The following TASP1 variants were observed in gnomAD, a reference collection of about 807,000 sequenced individuals.
TASP1 encodes the protein taspase 1, also known as threonine aspartase 1.
Under a neutral mutation model 56.6 loss-of-function variants are expected in TASP1, and 16 were observed. The ratio of observed to expected loss-of-function variants is 0.28; its 90% CI spans 0.19 to 0.43. The LOEUF (loss-of-function observed/expected upper bound fraction) is 0.43, where lower values mean the gene tolerates loss of function less well. Ranked by LOEUF, TASP1 falls within the 20% of genes least tolerant of loss-of-function variation. TASP1 has a pLI of 1.00. For missense variants in TASP1, 393 were observed against 511.6 expected (o/e 0.77, Z 2.24); for synonymous variants, 179 against 184.2 (o/e 0.97, Z 0.23).
At chr20:13,108,794 T>C in the TASP1 span, among the ~76,000 whole-genome samples, 1 of 152,218 alleles carries the variant, frequency 6.6e-6, no homozygotes, top group African/African-American at 2.4e-5. Flanking sequence ...CCCGAACTCC[T>C]GACCTCAAAG....
chr20:13,368,469 A>G, the TASP1 span: 1 of 152,214 alleles, frequency 6.6e-6, no homozygotes, highest in Non-Finnish European at 1.5e-5. Context: ...CAAAAATAAA[A>G]CCACTTTATA....
the TASP1 span, chr20:13,299,343 A>G: frequency 6.2e-7 from 1 of 1,613,940 alleles, no homozygotes; most frequent in Non-Finnish European, 8.5e-7. This position sits in a 1 kb window ranked among gnomAD's most constrained non-coding sequence, Gnocchi z 5.8. Context: ...GATTATCTGC[A>G]AGGGTGACTG....
At chr20:13,438,343 T>C (rs1465615169) in intron 11 of TASP1, among the ~76,000 whole-genome samples, 4 of 152,038 alleles carry the variant, frequency 2.6e-5, no homozygotes, top group East Asian at 1.9e-4. Flanking sequence ...CCCTCAGAAA[T>C]AATGCCACAT....
At chr20:13,304,679 G>T in the TASP1 span, among the ~76,000 whole-genome samples, 2 of 151,988 alleles carry the variant, frequency 1.3e-5, no homozygotes, top group Non-Finnish European at 2.9e-5. Flanking sequence ...GGTGATCTTG[G>T]GGGAATCAGT....
At chr20:13,585,487 A>T (rs988543881) in intron 5 of TASP1, among the ~76,000 whole-genome samples, 2 of 152,224 alleles carry the variant, frequency 1.3e-5, no homozygotes, top group African/African-American at 4.8e-5. Context: ...AAAATACTCC[A>T]ACAAATCAAT....
the TASP1 span, among the ~76,000 whole-genome samples, chr20:13,254,751 G>C: frequency 6.6e-6 from 1 of 152,254 alleles, no homozygotes; most frequent in Non-Finnish European, 1.5e-5. Flanking sequence ...CAGGAACAGA[G>C]CCAGGGAGAA....
At chr20:13,404,617 G>A (rs1306005055) in intron 13 of TASP1, among the ~76,000 whole-genome samples, 2 of 151,560 alleles carry the variant, frequency 1.3e-5, no homozygotes, top group Non-Finnish European at 2.9e-5. Context: ...AAGTAAGTAA[G>A]TAAATAAATA....
chr20:13,397,395 T>C (rs1308998451), intron 13 of TASP1, among the ~76,000 whole-genome samples: 1 of 152,102 alleles, frequency 6.6e-6, no homozygotes, highest in Non-Finnish European at 1.5e-5. Context: ...GACAGAAAGA[T>C]GTATACTATA....
the TASP1 span, chr20:13,270,377 G>A: frequency 9.5e-7 from 1 of 1,050,442 alleles, no homozygotes; most frequent in Non-Finnish European, 1.3e-6. Context: ...AACAAGTTTG[G>A]AATGCCCTAC....
At chr20:13,212,286 G>A in the TASP1 span, among the ~76,000 whole-genome samples, 5 of 152,126 alleles carry the variant, frequency 3.3e-5, no homozygotes, top group South Asian at 1.0e-3. Flanking sequence ...CTAATTAGGA[G>A]CCTGGGTCCC....
At chr20:13,325,263 A>G in the TASP1 span, among the ~76,000 whole-genome samples, 1 of 152,316 alleles carries the variant, frequency 6.6e-6, no homozygotes, top group African/African-American at 2.4e-5. Flanking sequence ...AAGAAGTTAG[A>G]GGTCTCAGGT....
At chr20:13,270,124 G>A in the TASP1 span, among the ~76,000 whole-genome samples, 5 of 152,226 alleles carry the variant, frequency 3.3e-5, no homozygotes, top group Non-Finnish European at 5.9e-5. Flanking sequence ...CTGGACACTA[G>A]AGCTATAACT....
the TASP1 span, among the ~76,000 whole-genome samples, chr20:13,148,636 G>C: frequency 6.6e-6 from 1 of 152,212 alleles, no homozygotes; most frequent in Non-Finnish European, 1.5e-5. Flanking sequence ...GCTGCAATCA[G>C]ATACCCAGAA....
the TASP1 span, among the ~76,000 whole-genome samples, chr20:13,216,136 A>G: frequency 2.0e-5 from 3 of 152,234 alleles, no homozygotes; most frequent in East Asian, 5.8e-4. Context: ...GAGGCAAACA[A>G]GCACACTGCC....
the TASP1 span, among the ~76,000 whole-genome samples, chr20:13,247,136 CA>C: frequency 1.3e-5 from 2 of 151,978 alleles, no homozygotes; most frequent in African/African-American, 4.8e-5. Context: ...GAGGCTGAGG[CA>C]GGAGAATCAC....
the TASP1 span, among the ~76,000 whole-genome samples, chr20:13,239,956 T>C: frequency 6.6e-6 from 1 of 152,230 alleles, no homozygotes; most frequent in Non-Finnish European, 1.5e-5. Context: ...AGAGTAAGTG[T>C]ACATCTAAAG....
the TASP1 span, among the ~76,000 whole-genome samples, chr20:13,313,241 A>G: frequency 6.6e-6 from 1 of 152,058 alleles, no homozygotes; most frequent in East Asian, 1.9e-4. Flanking sequence ...CATCCTAACA[A>G]TTTCCCCCCA....
the TASP1 span, among the ~76,000 whole-genome samples, chr20:13,106,067 C>G: frequency 6.6e-6 from 1 of 152,118 alleles, no homozygotes; most frequent in Non-Finnish European, 1.5e-5. Flanking sequence ...TACGCTAAAA[C>G]ACGCTCTTGG....
intron 11 of TASP1, 27 bp from the exon 12 acceptor site, chr20:13,435,181 T>A: frequency 1.4e-6 from 2 of 1,471,484 alleles, no homozygotes; most frequent in South Asian, 2.6e-5. Context: ...AGTAGTTATT[T>A]TTCAGTGAAT....
Sources: gnomAD v4.1 joint callset for allele counts (sites outside exome capture counted in the v4.1 genomes callset) on GRCh38, gnomAD v4.1.1 for gene constraint, Gnocchi (gnomAD v3.1) non-coding constraint, MANE v1.5 for transcripts, NCBI Gene and HGNC (gene_info 2026-07-23, HGNC 2026-07-21) for gene names.